Variants in GRM8 observed in about 807,000 individuals in gnomAD.
GRM8 encodes the protein metabotropic glutamate receptor 8.
A neutral mutation model predicts 87.2 loss-of-function variants in GRM8; 47 were observed. The ratio of observed to expected loss-of-function variants is 0.54; its 90% confidence interval spans 0.43 to 0.69. GRM8 has a LOEUF of 0.69. Among genes scored for constraint, GRM8 ranks in the 30% least tolerant of loss-of-function variants. The probability of loss-of-function intolerance (pLI) is 0.00; values close to 1 mark genes in which losing one functional copy is unlikely to be tolerated. For missense variants in GRM8, 1,019 were observed against 1,139.2 expected, an observed-to-expected ratio of 0.89 and a Z score of 1.52; for synonymous variants, 396 against 404.5, an observed-to-expected ratio of 0.98 and a Z score of 0.25.
chr7:127,068,167 T>C (rs971478382), intron 3 of GRM8, among the ~76,000 whole-genome samples: 1 of 152,180 alleles, frequency 6.6e-6, no homozygotes, highest in Admixed American at 6.5e-5. Context: ...AACTCTTTTA[T>C]GAATCAAAAT....
At chr7:126,607,299 C>A (rs542605295) in intron 8 of GRM8, among the ~76,000 whole-genome samples, 2 of 152,292 alleles carry the variant, frequency 1.3e-5, no homozygotes, top group Non-Finnish European at 2.9e-5. Flanking sequence ...CATAAGCTGT[C>A]TGTGCATTAT....
chr7:126,875,066 A>C (rs1305108312), intron 6 of GRM8, among the ~76,000 whole-genome samples: 6 of 152,152 alleles, frequency 3.9e-5, no homozygotes, highest in African/African-American at 1.2e-4. Context: ...AAATATTGTC[A>C]CTATAAATCA....
At chr7:126,938,918 T>C (rs371239472) in intron 3 of GRM8, among the ~76,000 whole-genome samples, 1 of 152,188 alleles carries the variant, frequency 6.6e-6, no homozygotes, top group African/African-American at 2.4e-5. Context: ...ACAGGCAACC[T>C]GACCTTCAGC....
chr7:126,640,503 C>T (rs1802265635), intron 7 of GRM8, among the ~76,000 whole-genome samples: 1 of 152,052 alleles, frequency 6.6e-6, no homozygotes, highest in Non-Finnish European at 1.5e-5. Context: ...TAAAACTATG[C>T]ATTTATATAT....
chr7:126,768,508 T>C (rs533079229), intron 7 of GRM8, among the ~76,000 whole-genome samples: 27 of 151,972 alleles, frequency 1.8e-4, no homozygotes, highest in Non-Finnish European at 3.7e-4. Context: ...ATTATAATAA[T>C]TGAAGTCATC....
At chr7:127,168,655 A>G (rs1007974740) in intron 2 of GRM8, among the ~76,000 whole-genome samples, 3 of 152,220 alleles carry the variant, frequency 2.0e-5, no homozygotes, top group Non-Finnish European at 4.4e-5. Context: ...TGACACATAT[A>G]CACCATGGAA....
rs1417448277 is a variant in GRM8 at position 126,446,170 on chromosome 7, T to C, written c.2633A>G (p.Asn878Ser). 2.5e-6 allele frequency: 4 copies of C among 1,612,688 alleles called. No individual in the cohort carries two copies. The highest frequency in any genetic ancestry group is 2.5e-6 in the Non-Finnish European group (3 of 1,178,974). ...KLIQKGNDRP[N>S]GEVKSELCES... ...ACAGAGTTCACTTTTCACCTCGCCA[T>C]TTGGTCTGTCATTTCCTTTTTGGAT... The change falls in exon 10 of 11, where the codon AAT becomes AGT. Residue 878 changes from asparagine (N) to serine (S), a missense_variant. Asn to Ser is a conservative substitution (Grantham distance 46, BLOSUM62 1). Coordinates refer to ENST00000339582, the MANE Select transcript of GRM8 (RefSeq NM_000845.3).
intron 3 of GRM8, among the ~76,000 whole-genome samples, chr7:126,938,702 C>A (rs1033492904): frequency 5.3e-5 from 8 of 152,090 alleles, no homozygotes; most frequent in Admixed American, 2.0e-4. Flanking sequence ...CAATTTTCTT[C>A]TTTTTCAATA....
At chr7:126,617,409 C>T (rs1799622824) in intron 7 of GRM8, among the ~76,000 whole-genome samples, 1 of 152,174 alleles carries the variant, frequency 6.6e-6, no homozygotes, top group South Asian at 2.1e-4. Flanking sequence ...GACAAACCCA[C>T]AGCCAATATC....
chr7:126,893,956 T>C (rs1204555855), intron 6 of GRM8, among the ~76,000 whole-genome samples: 1 of 152,078 alleles, frequency 6.6e-6, no homozygotes, highest in Non-Finnish European at 1.5e-5. Context: ...AATTCTCTTG[T>C]ATTTCAGCAA....
chr7:127,216,772 A>T (rs562538715), intron 2 of GRM8, among the ~76,000 whole-genome samples: 28 of 152,260 alleles, frequency 1.8e-4, no homozygotes, highest in African/African-American at 6.0e-4. Flanking sequence ...TCTGCTCTTC[A>T]AAGGTGCCTA....
intron 6 of GRM8, among the ~76,000 whole-genome samples, chr7:126,900,602 C>T (rs368285755): frequency 1.3e-5 from 2 of 152,028 alleles, no homozygotes; most frequent in East Asian, 1.9e-4. Context: ...CTCCACCTCC[C>T]GGGTTCAAGC....
At chr7:126,606,255 C>T (rs189829640) in intron 8 of GRM8, among the ~76,000 whole-genome samples, 12 of 152,204 alleles carry the variant, frequency 7.9e-5, no homozygotes, top group African/African-American at 1.9e-4. Flanking sequence ...TCTAATGGGA[C>T]CTTCGCTTTG....
rs370133674 is a variant in GRM8 at position 127,180,038 on chromosome 7, C to A, written c.510+62657G>T. ...ACTAAATGAAATTGAAACAAACAAA[C>A]AAAAAAGATAAATGAAACAAAAAGC... On this transcript the variant is annotated intron_variant, in intron 2 of 10. Coordinates refer to ENST00000339582, the MANE Select transcript of GRM8 (RefSeq NM_000845.3). Among the ~76,000 whole-genome samples, 13 of 151,254 alleles carry A rather than the reference C, an allele frequency of 8.6e-5. No homozygotes were observed. In the East Asian group the frequency reaches 2.1e-3, roughly 25 times the overall value.
chr7:126,955,231 C>T (rs964200754), intron 3 of GRM8, among the ~76,000 whole-genome samples: 3 of 152,048 alleles, frequency 2.0e-5, no homozygotes, highest in African/African-American at 7.2e-5. Flanking sequence ...GCAAGATTAC[C>T]CATGCCTGGA....
intron 3 of GRM8, among the ~76,000 whole-genome samples, chr7:127,033,293 AT>A (rs969354755): frequency 1.3e-4 from 20 of 151,178 alleles, no homozygotes; most frequent in African/African-American, 3.1e-4. Flanking sequence ...TCAGCTTTTA[AT>A]TTTTTTTTAA....
chr7:126,502,620 A>T (rs1809813473), intron 9 of GRM8, among the ~76,000 whole-genome samples: 1 of 152,104 alleles, frequency 6.6e-6, no homozygotes, highest in Non-Finnish European at 1.5e-5. Flanking sequence ...GTGTTTTAAA[A>T]CAATTATATA....
chr7:126,975,201 C>G (rs1221370725), intron 3 of GRM8, among the ~76,000 whole-genome samples: 1 of 152,104 alleles, frequency 6.6e-6, no homozygotes, highest in Non-Finnish European at 1.5e-5. Context: ...ATAGCACTTA[C>G]CCACATGAAC....
At chr7:126,976,116 AACAC>A (rs1362457478) in intron 3 of GRM8, among the ~76,000 whole-genome samples, 1 of 152,202 alleles carries the variant, frequency 6.6e-6, no homozygotes, top group Non-Finnish European at 1.5e-5. Context: ...CTATACTGGA[AACAC>A]ACACATAAAC....
Sources: gnomAD v4.1 joint callset for allele counts (sites outside exome capture counted in the v4.1 genomes callset) on GRCh38, gnomAD v4.1.1 for gene constraint, MANE v1.5 for transcripts, NCBI Gene and HGNC (gene_info 2026-07-23, HGNC 2026-07-21) for gene names.